The following PSORS1C1 variants were observed in gnomAD, a reference collection of about 807,000 sequenced individuals.
PSORS1C1 encodes psoriasis susceptibility 1 candidate 1.
Under a neutral mutation model 9.4 loss-of-function variants are expected in PSORS1C1, and 7 were observed. That is an observed-to-expected ratio of 0.75 (90% CI 0.42 to 1.40). The LOEUF is 1.40. PSORS1C1 is among the 40% of genes most tolerant of loss of function. The pLI, the probability that PSORS1C1 is intolerant of heterozygous loss-of-function variation, is 0.01. For missense variants in PSORS1C1, 146 were observed against 178.1 expected (o/e 0.82, Z 1.02); for synonymous variants, 63 against 69.4 (o/e 0.91, Z 0.46).
chr6:31,129,773 G>C lies in PSORS1C1; in HGVS notation c.13+128G>C, dbSNP rs1366599360. 4 of 681,240 alleles carry C rather than the reference G, an allele frequency of 5.9e-6. No individual in the cohort carries two copies. The African/African-American group carries it at 7.1e-5, about 12-fold the overall frequency. The allele number at this position is 681,240 out of a possible 1,614,324, so 42.2% of individuals were successfully genotyped here. ...ATACAAAGAAAGACAAGGCACAGTTGCTGTCTTCAAGAAGCTCATACTTTC... is the reference window on the plus strand; with the variant it reads ...ATACAAAGAAAGACAAGGCACAGTTCCTGTCTTCAAGAAGCTCATACTTTC... On this transcript the variant is annotated intron_variant, in intron 3 of 5. Transcript: ENST00000259881.
chr6:31,120,191 C>T (rs1772377686), intron 1 of PSORS1C1: 3 of 651,132 alleles, frequency 4.6e-6, no homozygotes, highest in Non-Finnish European at 8.1e-6. Context: ...GTTTAAGAAA[C>T]TTACCTGAGG....
chr6:31,138,304 T>A, intron 3 of PSORS1C1, 126 bp from the exon 4 acceptor site: 1 of 1,597,894 alleles, frequency 6.3e-7, no homozygotes, highest in South Asian at 1.1e-5. Flanking sequence ...CTGCCTGAGA[T>A]GCCTGTAAAG....
At position 31,139,432 on chromosome 6, in the gene PSORS1C1, G is replaced by A. The variant is rs114345219; in HGVS notation, c.168-209G>A. ...CACGCGATGGGCGTTGGGAAGCACC[G>A]TAATTACAGGGTTGGGAGGCAGGAT... is the stretch of plus-strand genomic sequence containing the variant. On this transcript the variant is annotated intron_variant, in intron 5 of 5. Coordinates refer to ENST00000259881, the MANE Select transcript of PSORS1C1 (RefSeq NM_014068.3). The surrounding 1 kb of genome is among the most constrained non-coding windows in gnomAD (Gnocchi z 5.2). The A allele has an allele frequency of 0.049, 29,377 of 600,620 alleles. 1,187 individuals are homozygous for A. Among genetic ancestry groups the A allele is most frequent in the African/African-American group, 0.16 (8,582 of 53,980 alleles). 37.2% of individuals were successfully genotyped at this position (600,620 alleles called of 1,614,324 possible).
At position 31,139,886 on chromosome 6, in the gene PSORS1C1, C is replaced by G. The variant is rs752178148; in HGVS notation, c.413C>G (p.Ser138Trp). The G allele has an allele frequency of 3.1e-6, 5 of 1,612,948 alleles. No individual in the cohort carries two copies. The African/African-American group carries it at 5.3e-5, about 17-fold the overall frequency. ...SRTLAPTLLY[S>W]SPPSHSPFGL... The stretch of plus-strand genomic sequence containing the variant: ...ACCTTGGCTCCAACTCTATTGTACT[C>G]GTCTCCTCCCTCCCATTCTCCTTTT... The change falls in exon 6 of 6, where the codon TCG becomes TGG. Residue 138 changes from serine (S) to tryptophan (W), a missense_variant. Ser to Trp is a radical substitution (Grantham distance 177). Coordinates refer to ENST00000259881, the MANE Select transcript of PSORS1C1 (RefSeq NM_014068.3). This position sits in a 1 kb window ranked among gnomAD's most constrained non-coding sequence, Gnocchi z 5.2.
In PSORS1C1 at chr6:31,139,939, C is replaced by T. The variant is rs1254516195; in HGVS notation, c.*7C>T. ...TCTCAGCTCCTTGATCTAAGCCTCC[C>T]AGAGAGACCCCTAGAACGTTTCCCT... On this transcript the variant is annotated 3_prime_UTR_variant, in exon 6 of 6. Coordinates refer to ENST00000259881, the MANE Select transcript of PSORS1C1 (RefSeq NM_014068.3). The surrounding 1 kb of genome is among the most constrained non-coding windows in gnomAD (Gnocchi z 5.2). The T allele has an allele frequency of 1.9e-6, 3 of 1,603,684 alleles. No homozygotes were observed. The highest frequency in any genetic ancestry group is 2.6e-6 in the Non-Finnish European group (3 of 1,174,180).
At chr6:31,138,292 C>T (rs1414752344) in intron 3 of PSORS1C1, 138 bp from the exon 4 acceptor site, 7 of 1,588,974 alleles carry the variant, frequency 4.4e-6, no homozygotes, top group African/African-American at 1.3e-5. Flanking sequence ...GGGTGGCCCT[C>T]GCTGCCTGAG....
At chr6:31,127,289 T>C (rs6911408) in intron 2 of PSORS1C1, among the ~76,000 whole-genome samples, 36,947 of 151,934 alleles carry the variant, frequency 0.24, 4,834 homozygotes, top group Middle Eastern at 0.37. Context: ...TGAGTGCCTC[T>C]GGGTGAGAGT....
rs762172969 is a variant in PSORS1C1, at chr6:31,116,391, G to A, written c.-229+1500G>A. 49 of 1,601,742 alleles carry A rather than the reference G, an allele frequency of 3.1e-5. No homozygotes were observed. Among genetic ancestry groups the A allele is most frequent in the Middle Eastern group, 1.6e-4 (1 of 6,066 alleles). On this transcript the variant is annotated intron_variant, in intron 1 of 5. Transcript: ENST00000259881. Reference sequence around the variant, plus strand: ...TGCCGCAGGGATGGTAGGGTAAACCGGAGCTGCTGGAAATGCTAGAACTGC... The same window carrying A: ...TGCCGCAGGGATGGTAGGGTAAACCAGAGCTGCTGGAAATGCTAGAACTGC...
chr6:31,121,580 C>A (rs1400433550), intron 1 of PSORS1C1, among the ~76,000 whole-genome samples: 1 of 152,158 alleles, frequency 6.6e-6, no homozygotes, highest in Non-Finnish European at 1.5e-5. Flanking sequence ...ACTAGTATTG[C>A]GGGAGTATCA....
In PSORS1C1 at chr6:31,138,725, C is replaced by A; in HGVS notation, c.113C>A (p.Pro38His). 1.3e-6 allele frequency: 2 copies of A among 1,576,306 alleles called. No homozygotes were observed. The highest frequency in any genetic ancestry group is 1.1e-5 in the South Asian group (1 of 90,462). Reference protein sequence around the residue: ...NTDPSSEETRPPHVNPDRLCH... With the variant: ...NTDPSSEETRHPHVNPDRLCH... ...GATCCCAGCTCCGAGGAAACTCGTC[C>A]CCCCCACGTTAATCCTGACCGACTT... Residue 38 changes from proline (P) to histidine (H), a missense_variant, in exon 5 of 6, where the codon CCC becomes CAC. Physicochemically the swap from Pro to His is moderately conservative, Grantham distance 77. Coordinates refer to ENST00000259881, the MANE Select transcript of PSORS1C1 (RefSeq NM_014068.3).
rs1772031425 is a variant in PSORS1C1 at position 31,115,049 on chromosome 6, G to A, written c.-229+158G>A. On this transcript the variant is annotated intron_variant, in intron 1 of 5. Transcript: ENST00000259881. The surrounding 1 kb of genome is among the most constrained non-coding windows in gnomAD (Gnocchi z 4.2). Reference sequence around the variant, plus strand: ...GATTTCCTGGAGCAATGAGAGAGGAGGGAAATGGCGGAAGGATCTGGGAGG... The same window carrying A: ...GATTTCCTGGAGCAATGAGAGAGGAAGGAAATGGCGGAAGGATCTGGGAGG... The A allele has an allele frequency of 8.2e-6, 3 of 365,032 alleles. No individual in the cohort carries two copies. The highest frequency in any genetic ancestry group is 6.2e-5 in the South Asian group (3 of 48,048). 22.6% of individuals were successfully genotyped at this position (365,032 alleles called of 1,614,324 possible).
Position 31,129,568 on chromosome 6 carries a change from G to T in PSORS1C1, c.-64-1G>T. ...TCCCACTCACCTACCTGCCATGTCA[G>T]CCTGGGAAGAATTGGTTTGCAGCCA... On this transcript the variant is annotated splice_acceptor_variant, in intron 2 of 5. Coordinates refer to ENST00000259881, the MANE Select transcript of PSORS1C1 (RefSeq NM_014068.3). LOFTEE classifies it low-confidence loss of function (5UTR_SPLICE). The T allele has an allele frequency of 1.3e-6, 1 of 777,762 alleles. No individual in the cohort carries two copies. Among genetic ancestry groups the T allele is most frequent in the Non-Finnish European group, 2.4e-6 (1 of 417,222 alleles). The allele number at this position is 777,762 out of a possible 1,614,324, so 48.2% of individuals were successfully genotyped here.
At chr6:31,137,640 C>A (rs948323680) in intron 3 of PSORS1C1, 2 of 343,650 alleles carry the variant, frequency 5.8e-6, no homozygotes. Context: ...AGTACCATAG[C>A]CCTGCCCCAG....
intron 2 of PSORS1C1, among the ~76,000 whole-genome samples, chr6:31,126,532 G>T (rs1361868577): frequency 7.1e-6 from 1 of 140,798 alleles, no homozygotes; most frequent in Non-Finnish European, 1.5e-5. Context: ...CTTGGCTCCT[G>T]GTCCAATGGC....
At chr6:31,122,886 A>G (rs535847295) in intron 1 of PSORS1C1, among the ~76,000 whole-genome samples, 9 of 152,192 alleles carry the variant, frequency 5.9e-5, no homozygotes, top group African/African-American at 1.7e-4. Context: ...GGGAGGGGGC[A>G]CTGGGGTAAT....
At chr6:31,120,575 C>T (rs1207338627) in intron 1 of PSORS1C1, 14 of 694,034 alleles carry the variant, frequency 2.0e-5, no homozygotes, top group East Asian at 8.1e-5. Flanking sequence ...CCGGGAGGAG[C>T]GTGGTAATCA....
chr6:31,138,057 G>C, intron 3 of PSORS1C1: 1 of 1,540,416 alleles, frequency 6.5e-7, no homozygotes, highest in Non-Finnish European at 8.7e-7. Context: ...GGGTCCTGCC[G>C]GCCAAGGGTC....
At chr6:31,138,865 C>T (rs1773306032) in intron 5 of PSORS1C1, 86 bp downstream of exon 5, 2 of 1,603,280 alleles carry the variant, frequency 1.2e-6, no homozygotes, top group East Asian at 4.5e-5. Flanking sequence ...GCACCTTCTG[C>T]GTCCCCTGAA....
At chr6:31,116,055 T>G (rs772973219) in intron 1 of PSORS1C1, 22 of 1,611,636 alleles carry the variant, frequency 1.4e-5, no homozygotes, top group Non-Finnish European at 1.9e-5. Flanking sequence ...CTCCTTGGGG[T>G]AGGAAAACTT....
Sources: allele counts gnomAD v4.1 joint callset (sites outside exome capture counted in the v4.1 genomes callset), GRCh38; gene constraint gnomAD v4.1.1; non-coding constraint Gnocchi (gnomAD v3.1); transcripts MANE v1.5; gene names NCBI Gene and HGNC (gene_info 2026-07-23, HGNC 2026-07-21).